Variants in CNTN4 observed in about 807,000 individuals in gnomAD.
CNTN4 encodes contactin 4, also known as contactin-4.
Under a neutral mutation model 122.5 loss-of-function variants are expected in CNTN4, and 77 were observed. That is an observed-to-expected ratio of 0.63 (90% CI 0.52 to 0.76). CNTN4 has a LOEUF of 0.76. Ranked by LOEUF, CNTN4 falls within the 30% of genes least tolerant of loss-of-function variation. The pLI is 0.00. For missense variants in CNTN4, 1,256 were observed against 1,259.1 expected (o/e 1.00, Z 0.04); for synonymous variants, 512 against 447.0 (o/e 1.15, Z -1.83).
intron 2 of CNTN4, among the ~76,000 whole-genome samples, chr3:2,328,490 G>T (rs188698326): frequency 6.6e-6 from 1 of 152,104 alleles, no homozygotes; most frequent in Non-Finnish European, 1.5e-5. Flanking sequence ...TAAAACTTAC[G>T]TTAAATTAAT....
At chr3:2,600,706 G>T (rs1433748599) in intron 4 of CNTN4, among the ~76,000 whole-genome samples, 1 of 152,116 alleles carries the variant, frequency 6.6e-6, no homozygotes, top group East Asian at 1.9e-4. Flanking sequence ...AGTCCTTTGG[G>T]TATATACCCA....
intron 4 of CNTN4, among the ~76,000 whole-genome samples, chr3:2,667,939 C>A (rs6782093): frequency 2.6e-5 from 4 of 151,892 alleles, no homozygotes; most frequent in Non-Finnish European, 5.9e-5. Flanking sequence ...CTGTTCTGTT[C>A]CATTGGTCTA....
chr3:2,866,577 A>G, intron 7 of CNTN4, 175 bp from the exon 8 acceptor site: 3 of 1,204,432 alleles, frequency 2.5e-6, no homozygotes, highest in Non-Finnish European at 3.4e-6. Context: ...TGATAGTAGA[A>G]AGGCTGGTAA....
At chr3:2,249,754 C>T (rs1158232195) in intron 2 of CNTN4, among the ~76,000 whole-genome samples, 1 of 151,814 alleles carries the variant, frequency 6.6e-6, no homozygotes, top group African/African-American at 2.4e-5. Context: ...AATGGTTGTC[C>T]CATTATGTGG....
At chr3:2,296,935 A>G (rs978856004) in intron 2 of CNTN4, among the ~76,000 whole-genome samples, 7 of 152,086 alleles carry the variant, frequency 4.6e-5, no homozygotes, top group Middle Eastern at 3.2e-3. Context: ...TGTTATTTCT[A>G]TTTTCTTCTG....
Position 2,135,792 on chromosome 3 carries a change from C to T in CNTN4, c.-145+35153C>T, listed in dbSNP as rs138496959. On this transcript the variant is annotated intron_variant, in intron 2 of 24. Coordinates refer to ENST00000418658, the MANE Select transcript of CNTN4 (RefSeq NM_175607.3). ...TTGTTGTTCAGAACAAATGGGGTTACCATAAGTATGGAAAATGGTTCCTGG... is the reference window on the plus strand; with the variant it reads ...TTGTTGTTCAGAACAAATGGGGTTATCATAAGTATGGAAAATGGTTCCTGG... Among the ~76,000 whole-genome samples the T allele has an allele frequency of 9.2e-5, 14 of 152,228 alleles. No individual in the cohort carries two copies. In the East Asian group the frequency reaches 2.7e-3, roughly 29 times the overall value.
At chr3:2,234,370 C>CAAAAAAAAAAAAAAAAAAAA (rs72401999) in intron 2 of CNTN4, among the ~76,000 whole-genome samples, 2 of 94,742 alleles carry the variant, frequency 2.1e-5, no homozygotes, top group African/African-American at 3.8e-5. Flanking sequence ...AAGTCCATCT[C>CAAAAAAAAAAAAAAAAAAAA]AAAAAAAAAA....
intron 3 of CNTN4, among the ~76,000 whole-genome samples, chr3:2,458,649 T>A (rs910388854): frequency 6.6e-6 from 1 of 152,132 alleles, no homozygotes; most frequent in Non-Finnish European, 1.5e-5. Flanking sequence ...ACGAAGTTAG[T>A]ACCCATGAAT....
At chr3:3,021,253 A>G (rs1698263474) in intron 14 of CNTN4, among the ~76,000 whole-genome samples, 2 of 152,212 alleles carry the variant, frequency 1.3e-5, no homozygotes. Context: ...TTTATGCAGA[A>G]TTGATACAGT....
At chr3:2,642,510 A>G (rs901445514) in intron 4 of CNTN4, among the ~76,000 whole-genome samples, 4 of 152,130 alleles carry the variant, frequency 2.6e-5, no homozygotes, top group Admixed American at 2.0e-4. Flanking sequence ...CACATAAATT[A>G]TATAGACTAT....
intron 5 of CNTN4, among the ~76,000 whole-genome samples, chr3:2,742,348 A>G (rs1050106904): frequency 7.2e-5 from 11 of 152,190 alleles, no homozygotes; most frequent in African/African-American, 2.7e-4. Context: ...AACTTCCCTT[A>G]TATTAAACTT....
chr3:3,031,601 A>G (rs1029886789), intron 16 of CNTN4, among the ~76,000 whole-genome samples: 5 of 152,110 alleles, frequency 3.3e-5, no homozygotes, highest in Admixed American at 3.3e-4. Flanking sequence ...CCGGCTGAGC[A>G]ACACCAACTG....
At chr3:2,911,078 A>G (rs1036068975) in intron 12 of CNTN4, among the ~76,000 whole-genome samples, 1 of 152,158 alleles carries the variant, frequency 6.6e-6, no homozygotes, top group East Asian at 1.9e-4. Flanking sequence ...AAAAGAGTGG[A>G]AGGTATATCC....
chr3:2,190,060 G>T (rs1262040057), intron 2 of CNTN4, among the ~76,000 whole-genome samples: 2 of 152,164 alleles, frequency 1.3e-5, no homozygotes, highest in African/African-American at 4.8e-5. Flanking sequence ...TCCATTTCAA[G>T]GTCACTGAAT....
intron 7 of CNTN4, among the ~76,000 whole-genome samples, chr3:2,863,340 A>T (rs916529565): frequency 6.6e-6 from 1 of 150,798 alleles, no homozygotes; most frequent in African/African-American, 2.4e-5. Flanking sequence ...TGACCTTCCC[A>T]CTTCAGGACT....
At chr3:2,981,724 A>G (rs1050010628) in intron 13 of CNTN4, among the ~76,000 whole-genome samples, 3 of 152,132 alleles carry the variant, frequency 2.0e-5, no homozygotes, top group Non-Finnish European at 2.9e-5. Flanking sequence ...TGCTAGCTTT[A>G]TAGCTTATTT....
intron 4 of CNTN4, among the ~76,000 whole-genome samples, chr3:2,688,279 T>G (rs983067074): frequency 2.0e-5 from 3 of 152,126 alleles, no homozygotes; most frequent in African/African-American, 7.2e-5. Context: ...ACATTGAGTT[T>G]TTTCCCCAAA....
At chr3:2,612,092 T>G (rs1045158947) in intron 4 of CNTN4, among the ~76,000 whole-genome samples, 1 of 116,148 alleles carries the variant, frequency 8.6e-6, no homozygotes, top group Non-Finnish European at 1.8e-5. Context: ...TAACCAGTTT[T>G]ATATATACAT....
At chr3:2,680,793 T>C (rs889805428) in intron 4 of CNTN4, among the ~76,000 whole-genome samples, 1 of 152,206 alleles carries the variant, frequency 6.6e-6, no homozygotes, top group Non-Finnish European at 1.5e-5. Flanking sequence ...ACCAGTTTTA[T>C]ACATGTAAAA....
Sources: allele counts gnomAD v4.1 joint callset (sites outside exome capture counted in the v4.1 genomes callset), GRCh38; gene constraint gnomAD v4.1.1; transcripts MANE v1.5; gene names NCBI Gene and HGNC (gene_info 2026-07-23, HGNC 2026-07-21).